The following SLC5A8 variants were observed in gnomAD, a reference collection of about 807,000 sequenced individuals.
SLC5A8 encodes solute carrier family 5 member 8, also known as sodium-coupled monocarboxylate transporter 1.
In SLC5A8, 55 loss-of-function variants were observed where a neutral mutation model predicts 71.9. That is an observed-to-expected ratio of 0.77 (90% CI 0.62 to 0.96). The LOEUF (loss-of-function observed/expected upper bound fraction) is 0.96, where lower values mean the gene tolerates loss of function less well. Among genes scored for constraint, SLC5A8 ranks in the 40% least tolerant of loss-of-function variants. The probability of loss-of-function intolerance (pLI) is 0.00; values close to 1 mark genes in which losing one functional copy is unlikely to be tolerated. For missense variants in SLC5A8, 701 were observed against 745.3 expected (o/e 0.94, Z 0.69); for synonymous variants, 307 against 276.1 (o/e 1.11, Z -1.11).
At chr12:101,169,868 G>A (rs1299142586) in intron 10 of SLC5A8, among the ~76,000 whole-genome samples, 1 of 152,152 alleles carries the variant, frequency 6.6e-6, no homozygotes, top group African/African-American at 2.4e-5. Context: ...AGGCTATTCA[G>A]TAAAACAGAC....
At chr12:101,188,298 G>C (rs1355304332) in intron 6 of SLC5A8, among the ~76,000 whole-genome samples, 1 of 152,156 alleles carries the variant, frequency 6.6e-6, no homozygotes, top group Non-Finnish European at 1.5e-5. Flanking sequence ...ATTGATATTA[G>C]TGTTAGTGTT....
chr12:101,190,336 C>A, intron 6 of SLC5A8, 132 bp downstream of exon 6: 1 of 999,022 alleles, frequency 1.0e-6, no homozygotes, highest in Non-Finnish European at 1.5e-6. Context: ...CTTTTGTAAC[C>A]AAATATATCA....
chr12:101,208,533 C>T (rs1409083890), intron 1 of SLC5A8, among the ~76,000 whole-genome samples: 1 of 152,094 alleles, frequency 6.6e-6, no homozygotes, highest in Non-Finnish European at 1.5e-5. Flanking sequence ...TTTGATCCCG[C>T]CCCCACCTCC....
intron 6 of SLC5A8, among the ~76,000 whole-genome samples, chr12:101,187,918 T>C (rs901174153): frequency 3.3e-5 from 5 of 152,256 alleles, no homozygotes; most frequent in African/African-American, 1.2e-4. Context: ...TGCTAAACAT[T>C]GTTAACATTT....
intron 10 of SLC5A8, among the ~76,000 whole-genome samples, chr12:101,172,168 C>T (rs1397799412): frequency 1.3e-5 from 2 of 152,074 alleles, no homozygotes; most frequent in South Asian, 2.1e-4. Flanking sequence ...AGCTGGGGCA[C>T]CAAGTGTCTC....
intron 5 of SLC5A8, 96 bp downstream of exon 5, chr12:101,193,529 G>T: frequency 7.2e-7 from 1 of 1,395,630 alleles, no homozygotes; most frequent in Non-Finnish European, 9.7e-7. Context: ...GCAATTTGTT[G>T]GCTTGTTTTT....
intron 10 of SLC5A8, among the ~76,000 whole-genome samples, chr12:101,171,465 C>T (rs1216730220): frequency 1.3e-5 from 2 of 152,132 alleles, no homozygotes; most frequent in Non-Finnish European, 1.5e-5. Context: ...AAAGTGCGCT[C>T]CATGGTCAGT....
chr12:101,202,225 A>G lies in SLC5A8; in HGVS notation c.418-10T>C, dbSNP rs1196240420. 5 of 1,558,956 alleles carry G rather than the reference A, an allele frequency of 3.2e-6. No homozygotes were observed. Among genetic ancestry groups the G allele is most frequent in the Admixed American group, 2.0e-5 (1 of 49,376 alleles). ...TTCCAGTATACAGAATCTAGGGGGG[A>G]GAAAGAAAGCCAAATGAATTATATG... is the stretch of plus-strand genomic sequence containing the variant. On this transcript the variant is annotated splice_polypyrimidine_tract_variant and intron_variant, in intron 2 of 14. Transcript: ENST00000536262.
intron 10 of SLC5A8, among the ~76,000 whole-genome samples, chr12:101,178,984 A>C (rs745379739): frequency 6.6e-6 from 1 of 152,208 alleles, no homozygotes; most frequent in Non-Finnish European, 1.5e-5. Context: ...TTGAATTAGA[A>C]CATGAGCAAA....
intron 13 of SLC5A8, 85 bp downstream of exon 13, chr12:101,161,889 T>C: frequency 1.0e-6 from 1 of 981,966 alleles, no homozygotes; most frequent in Non-Finnish European, 1.6e-6. Flanking sequence ...AGGATCATAG[T>C]AAAATAACAT....
chr12:101,171,621 G>C (rs375445735), intron 10 of SLC5A8, among the ~76,000 whole-genome samples: 1 of 152,160 alleles, frequency 6.6e-6, no homozygotes, highest in Non-Finnish European at 1.5e-5. Context: ...TCATGAGAAT[G>C]GGGTTCGGCT....
intron 11 of SLC5A8, 101 bp from the exon 12 acceptor site, chr12:101,166,800 ACT>A: frequency 9.4e-7 from 1 of 1,062,378 alleles, no homozygotes; most frequent in Non-Finnish European, 1.3e-6. Context: ...AAATTATAAA[ACT>A]CACAAGGGCA....
At position 101,193,701 on chromosome 12, in the gene SLC5A8, G is replaced by A. The variant is rs757527605; in HGVS notation, c.616C>T (p.Gln206Ter). The A allele has an allele frequency of 3.7e-6, 6 of 1,614,140 alleles. No individual in the cohort carries two copies. The highest frequency in any genetic ancestry group is 5.1e-6 in the Non-Finnish European group (6 of 1,180,006). ...MVAGFASVII[Q>*]AVVMQGGIST... ...ATTCCACCTTGCATCACCACAGCCT[G>A]TATAATCACGGATGCAAATCCAGCC... The change falls in exon 5 of 15, where the codon CAG becomes TAG. Residue 206 changes from glutamine (Q) to a stop codon, truncating the protein, a stop_gained. Transcript: ENST00000536262. LOFTEE classifies it high-confidence loss of function.
Position 101,166,680 on chromosome 12 carries a change from A to G in SLC5A8, c.1340T>C (p.Met447Thr), listed in dbSNP as rs2051774483. 1 of 1,611,436 alleles carries G rather than the reference A, an allele frequency of 6.2e-7. No homozygotes were observed. Among genetic ancestry groups the G allele is most frequent in the Non-Finnish European group, 8.5e-7 (1 of 1,179,062 alleles). Reference protein sequence around the residue: ...ANSIGALVGLMAGFAISLWVG... With the variant: ...ANSIGALVGLTAGFAISLWVG... ...CCATAGAGAAATGGCAAATCCAGCC[A>G]TCAGACCAACAAGTGCTCCCTGTAA... Residue 447 changes from methionine to threonine, a missense_variant, in exon 12 of 15, where the codon ATG becomes ACG. Met to Thr is a moderately conservative substitution (Grantham distance 81). Coordinates refer to ENST00000536262, the MANE Select transcript of SLC5A8 (RefSeq NM_145913.5).
chr12:101,183,754 A>G (rs1358656232), intron 8 of SLC5A8, among the ~76,000 whole-genome samples: 3 of 152,208 alleles, frequency 2.0e-5, no homozygotes, highest in Admixed American at 6.5e-5. Flanking sequence ...CAACATGTAA[A>G]TGGAAGATTT....
chr12:101,187,263 T>G, intron 7 of SLC5A8, 123 bp downstream of exon 7: 2 of 1,067,176 alleles, frequency 1.9e-6, no homozygotes, highest in Middle Eastern at 2.7e-4. Flanking sequence ...TTTATAGAAA[T>G]GTAAGATGAT....
At chr12:101,162,144 G>A in intron 12 of SLC5A8, 67 bp from the exon 13 acceptor site, 1 of 1,004,972 alleles carries the variant, frequency 1.0e-6, no homozygotes, top group South Asian at 1.4e-5. Flanking sequence ...GTATATACCA[G>A]TGATTCCCAT....
At chr12:101,190,327 T>G in intron 6 of SLC5A8, 141 bp downstream of exon 6, 1 of 919,238 alleles carries the variant, frequency 1.1e-6, no homozygotes, top group Non-Finnish European at 1.6e-6. Context: ...TTCTTGGTCC[T>G]TTTGTAACCA....
intron 9 of SLC5A8, among the ~76,000 whole-genome samples, chr12:101,180,785 C>A (rs1021580255): frequency 6.6e-6 from 1 of 151,618 alleles, no homozygotes; most frequent in Non-Finnish European, 1.5e-5. Flanking sequence ...AACTCCTGGG[C>A]TCAAGTGATC....
Sources: gnomAD v4.1 joint callset for allele counts (sites outside exome capture counted in the v4.1 genomes callset) on GRCh38, gnomAD v4.1.1 for gene constraint, MANE v1.5 for transcripts, NCBI Gene and HGNC (gene_info 2026-07-23, HGNC 2026-07-21) for gene names.